Variants in NDUFA10 observed in about 807,000 individuals in gnomAD.
NDUFA10 encodes NADH dehydrogenase [ubiquinone] 1 alpha subcomplex subunit 10, mitochondrial.
Under a neutral mutation model 47.8 loss-of-function variants are expected in NDUFA10, and 40 were observed. The observed-to-expected ratio is 0.84, with a 90% CI of 0.65 to 1.09. The LOEUF is 1.09. NDUFA10 is among the 50% of genes least tolerant of loss of function. The probability of loss-of-function intolerance (pLI) is 0.00; values close to 1 mark genes in which losing one functional copy is unlikely to be tolerated. For synonymous variants in NDUFA10, 183 were observed against 172.2 expected (o/e 1.06, Z -0.49); for missense variants, 413 against 451.1 (o/e 0.92, Z 0.76).
chr2:239,900,495 G>T (rs1693524264), intron 4 of NDUFA10, among the ~76,000 whole-genome samples: 1 of 151,900 alleles, frequency 6.6e-6, no homozygotes, highest in African/African-American at 2.4e-5. Flanking sequence ...CCAAATGCAG[G>T]TGATAATGGC....
chr2:239,899,689 C>A (rs1022710030), intron 4 of NDUFA10, among the ~76,000 whole-genome samples: 1 of 152,094 alleles, frequency 6.6e-6, no homozygotes, highest in South Asian at 2.1e-4. Flanking sequence ...GGCCACCCTG[C>A]ACATCCCTGA....
Position 239,967,537 on chromosome 2 carries a change from G to A in NDUFA10, c.1000-6351C>T, listed in dbSNP as rs1394511688. Among the ~76,000 whole-genome samples, 6 of 152,302 alleles carry A rather than the reference G, an allele frequency of 3.9e-5. No individual in the cohort carries two copies. The South Asian group carries it at 1.2e-3, about 32-fold the overall frequency. On this transcript the variant is annotated intron_variant, in intron 9 of 9. Coordinates refer to ENST00000252711, the MANE Select transcript of NDUFA10 (RefSeq NM_004544.4). Reference sequence around the variant, plus strand: ...CACTGGCCTAAGAAAGTACAGGAAGGTAACAACAAGACAGTAAAGCTGAGT... The same window carrying A: ...CACTGGCCTAAGAAAGTACAGGAAGATAACAACAAGACAGTAAAGCTGAGT...
At chr2:239,944,128 C>T (rs1427704157) in intron 4 of NDUFA10, among the ~76,000 whole-genome samples, 4 of 152,246 alleles carry the variant, frequency 2.6e-5, no homozygotes, top group Non-Finnish European at 4.4e-5. Context: ...CACCCTGCCC[C>T]TGACCACTGC....
chr2:239,964,365 A>G (rs1694977685), intron 9 of NDUFA10, among the ~76,000 whole-genome samples: 1 of 152,158 alleles, frequency 6.6e-6, no homozygotes. Flanking sequence ...GGAAAGGGAA[A>G]GGACACCAAT....
chr2:239,915,172 A>G (rs547952866), intron 4 of NDUFA10, among the ~76,000 whole-genome samples: 2 of 147,940 alleles, frequency 1.4e-5, no homozygotes, highest in Non-Finnish European at 2.9e-5. Context: ...ATACACAAAC[A>G]TACACACACA....
intron 4 of NDUFA10, among the ~76,000 whole-genome samples, chr2:239,908,917 C>T (rs1266522737): frequency 2.6e-5 from 4 of 152,170 alleles, no homozygotes; most frequent in South Asian, 2.1e-4. Flanking sequence ...GCACCAAGTG[C>T]CCAGAGTCAG....
intron 1 of NDUFA10, among the ~76,000 whole-genome samples, chr2:240,023,024 A>G (rs1024703314): frequency 7.2e-5 from 11 of 152,210 alleles, no homozygotes; most frequent in Non-Finnish European, 1.2e-4. Flanking sequence ...TGGACACTGC[A>G]TCGCCTCCCT....
At chr2:239,898,627 C>G (rs977606625) in intron 4 of NDUFA10, among the ~76,000 whole-genome samples, 2 of 152,248 alleles carry the variant, frequency 1.3e-5, no homozygotes, top group East Asian at 3.8e-4. Flanking sequence ...CCTTCCCTCT[C>G]TTGCACTGGT....
chr2:239,938,498 C>G (rs1017079633), intron 4 of NDUFA10, among the ~76,000 whole-genome samples: 5 of 152,218 alleles, frequency 3.3e-5, no homozygotes, highest in Admixed American at 6.5e-5. Flanking sequence ...AGAAGCTCTT[C>G]TATGTGTGTG....
intron 7 of NDUFA10, 65 bp downstream of exon 7, chr2:240,007,251 T>C: frequency 8.1e-7 from 1 of 1,238,408 alleles, no homozygotes; most frequent in Non-Finnish European, 1.2e-6. Context: ...ACGATCTGAT[T>C]TGCAAGAACC....
chr2:240,018,764 C>A, intron 3 of NDUFA10, 125 bp from the exon 4 acceptor site: 1 of 1,079,564 alleles, frequency 9.3e-7, no homozygotes, highest in Non-Finnish European at 1.4e-6. Flanking sequence ...CACCAAAATA[C>A]TGAAAAGAAC....
In NDUFA10 at chr2:239,960,195, T is replaced by G. The variant is rs1168003470; in HGVS notation, c.*923A>C. On this transcript the variant is annotated 3_prime_UTR_variant, in exon 10 of 10. Coordinates refer to ENST00000252711, the MANE Select transcript of NDUFA10 (RefSeq NM_004544.4). ...TGATTCCTAATGGACACAGTGGAGCTTTACAGTGGAAAACCCACAGTTCAG... is the reference window on the plus strand; with the variant it reads ...TGATTCCTAATGGACACAGTGGAGCGTTACAGTGGAAAACCCACAGTTCAG... The G allele has an allele frequency of 1.0e-6, 1 of 982,190 alleles. No individual in the cohort carries two copies. Among genetic ancestry groups the G allele is most frequent in the Non-Finnish European group, 1.2e-6 (1 of 829,782 alleles). 60.8% of individuals were successfully genotyped at this position (982,190 alleles called of 1,614,324 possible).
intron 4 of NDUFA10, among the ~76,000 whole-genome samples, chr2:239,938,443 T>C (rs1012351891): frequency 2.6e-5 from 4 of 152,204 alleles, no homozygotes; most frequent in East Asian, 1.9e-4. Context: ...ACTTGTGCAA[T>C]AGGTCAGTTG....
intron 4 of NDUFA10, among the ~76,000 whole-genome samples, chr2:239,932,125 C>T (rs898372171): frequency 6.6e-5 from 10 of 152,118 alleles, no homozygotes; most frequent in African/African-American, 1.2e-4. Flanking sequence ...TGAGCCACCG[C>T]GCCCGGCCTG....
Position 240,011,610 on chromosome 2 carries a change from G to A in NDUFA10, c.749+7C>T, listed in dbSNP as rs1309864142. 2.5e-6 allele frequency: 4 copies of A among 1,604,056 alleles called. No individual in the cohort carries two copies. The highest frequency in any genetic ancestry group is 3.4e-6 in the Non-Finnish European group (4 of 1,170,826). ...AGCCCTGTAAATCAGTCGTGTGTTTGGCTCACCTCATCTCAGGGAGAAAGG... is the reference window on the plus strand; with the variant it reads ...AGCCCTGTAAATCAGTCGTGTGTTTAGCTCACCTCATCTCAGGGAGAAAGG... On this transcript the variant is annotated splice_region_variant and intron_variant, in intron 6 of 9. Coordinates refer to ENST00000252711, the MANE Select transcript of NDUFA10 (RefSeq NM_004544.4).
intron 5 of NDUFA10, chr2:240,013,654 T>A (rs1697224710): frequency 6.6e-6 from 1 of 152,216 alleles, no homozygotes; most frequent in African/African-American, 2.4e-5. Context: ...GTTTCTACTA[T>A]TGCAACAGAG....
At chr2:239,926,721 C>T (rs943937957) in intron 4 of NDUFA10, among the ~76,000 whole-genome samples, 5 of 152,152 alleles carry the variant, frequency 3.3e-5, no homozygotes, top group Admixed American at 2.6e-4. Context: ...TGTGCTACTG[C>T]TCCTGAAGAC....
At chr2:239,894,218 C>T (rs1300744984) in intron 5 of NDUFA10, among the ~76,000 whole-genome samples, 1 of 147,596 alleles carries the variant, frequency 6.8e-6, no homozygotes, top group Non-Finnish European at 1.5e-5. Flanking sequence ...CAGCTCCATC[C>T]CAGCCTCACT....
intron 9 of NDUFA10, among the ~76,000 whole-genome samples, chr2:239,974,084 G>A (rs1398956892): frequency 1.3e-5 from 2 of 151,998 alleles, no homozygotes; most frequent in East Asian, 1.9e-4. Context: ...TCGCCACCAC[G>A]CCTGGCTAAT....
Sources: gnomAD v4.1 joint callset for allele counts (sites outside exome capture counted in the v4.1 genomes callset) on GRCh38, gnomAD v4.1.1 for gene constraint, MANE v1.5 for transcripts, NCBI Gene and HGNC (gene_info 2026-07-23, HGNC 2026-07-21) for gene names.